Variants in PCDHGA9 observed in about 807,000 individuals in gnomAD.
The protein encoded by PCDHGA9 is protocadherin gamma-A9.
A neutral mutation model predicts 62.5 loss-of-function variants in PCDHGA9; 37 were observed. The ratio of observed to expected loss-of-function variants is 0.59; its 90% confidence interval spans 0.46 to 0.78. The LOEUF (loss-of-function observed/expected upper bound fraction) is 0.78. Among genes scored for constraint, PCDHGA9 ranks in the 30% least tolerant of loss-of-function variants. PCDHGA9 has a pLI of 0.00. For missense variants in PCDHGA9, 1,138 were observed against 1,166.2 expected (o/e 0.98, Z 0.35); for synonymous variants, 459 against 484.6 (o/e 0.95, Z 0.69).
At chr5:141,419,567 G>A in intron 1 of PCDHGA9, 1 of 1,611,758 alleles carries the variant, frequency 6.2e-7, no homozygotes, top group Non-Finnish European at 8.5e-7. Context: ...GCTGGGTCCC[G>A]ACGGCTCCGC....
In PCDHGA9 at chr5:141,512,223, C is replaced by G. The variant is rs1321595614; in HGVS notation, c.*1050C>G. 6.5e-6 allele frequency: 1 copy of G among 152,728 alleles called. No individual in the cohort carries two copies. The highest frequency in any genetic ancestry group is 1.5e-5 in the Non-Finnish European group (1 of 68,110). 9.5% of individuals were successfully genotyped at this position (152,728 alleles called of 1,614,324 possible). ...CTCGAAGCAGGTTTAGGACCAGGTC[C>G]CCTTGAGAGGTCAGAGGGGCCTCTG... On this transcript the variant is annotated 3_prime_UTR_variant, in exon 4 of 4. Transcript: ENST00000573521.
intron 1 of PCDHGA9, chr5:141,430,861 A>C: frequency 6.3e-7 from 1 of 1,592,834 alleles, no homozygotes; most frequent in Middle Eastern, 1.7e-4. Flanking sequence ...TACGCTATTC[A>C]GTTCCGGAAG....
Position 141,491,676 on chromosome 5 carries a change from T to C in PCDHGA9, c.2425-3131T>C. On this transcript the variant is annotated intron_variant, in intron 1 of 3. Coordinates refer to ENST00000573521, the MANE Select transcript of PCDHGA9 (RefSeq NM_018921.3). The surrounding 1 kb of genome is among the most constrained non-coding windows in gnomAD (Gnocchi z 6.9). ...AGCCTGACGCCATCCGGTCCCGCTC[T>C]AATACGCTGCGGGAGCGGAGCCAGG... 3.1e-6 allele frequency: 5 copies of C among 1,613,546 alleles called. No individual in the cohort carries two copies. Among genetic ancestry groups the C allele is most frequent in the Non-Finnish European group, 4.2e-6 (5 of 1,179,848 alleles).
chr5:141,470,860 T>G (rs2099242265), intron 1 of PCDHGA9, among the ~76,000 whole-genome samples: 1 of 151,788 alleles, frequency 6.6e-6, no homozygotes, highest in South Asian at 2.1e-4. Context: ...GATAAGTTTT[T>G]TGTTTGTTTG....
Position 141,423,275 on chromosome 5 carries a change from C to T in PCDHGA9, c.2424+17899C>T. 1.2e-6 allele frequency: 2 copies of T among 1,614,012 alleles called. No homozygotes were observed. The highest frequency in any genetic ancestry group is 1.7e-6 in the Non-Finnish European group (2 of 1,179,970). ...GACCTCGGCAGCCTCGAGTCTCTGGCTAACTCTGAAACCTCAGACCTCTCG... is the reference window on the plus strand; with the variant it reads ...GACCTCGGCAGCCTCGAGTCTCTGGTTAACTCTGAAACCTCAGACCTCTCG... On this transcript the variant is annotated intron_variant, in intron 1 of 3. Transcript: ENST00000573521.
rs756330109 is a variant in PCDHGA9, at chr5:141,432,621, T to A, written c.2424+27245T>A. ...GAGCCGGGACTCTTCTCGGTGGGTC[T>A]GCACACGGGCGAGGTGCGCACGGCG... On this transcript the variant is annotated intron_variant, in intron 1 of 3. Transcript: ENST00000573521. This position sits in a 1 kb window ranked among gnomAD's most constrained non-coding sequence, Gnocchi z 6.0. The A allele has an allele frequency of 3.1e-6, 5 of 1,612,942 alleles. No homozygotes were observed. Among genetic ancestry groups the A allele is most frequent in the Admixed American group, 1.7e-5 (1 of 59,962 alleles).
At chr5:141,415,871 G>T (rs2095966585) in intron 1 of PCDHGA9, 2 of 1,074,308 alleles carry the variant, frequency 1.9e-6, no homozygotes, top group South Asian at 2.3e-5. Context: ...TAGTGTTGTT[G>T]AGTACAATAT....
chr5:141,479,625 T>C (rs2099501262), intron 1 of PCDHGA9: 1 of 152,228 alleles, frequency 6.6e-6, no homozygotes, highest in Non-Finnish European at 1.5e-5. Flanking sequence ...ACCATGTCTC[T>C]TTAACAATAA....
intron 1 of PCDHGA9, chr5:141,422,628 C>A: frequency 6.2e-7 from 1 of 1,613,410 alleles, no homozygotes; most frequent in Non-Finnish European, 8.5e-7. Context: ...AAAACAACCC[C>A]AGGGGTGCCT....
chr5:141,421,888 C>T (rs1387624358), intron 1 of PCDHGA9: 5 of 1,613,746 alleles, frequency 3.1e-6, no homozygotes. Flanking sequence ...TGGAGGCGAT[C>T]CCATCCGAAA....
intron 1 of PCDHGA9, among the ~76,000 whole-genome samples, chr5:141,448,344 A>G (rs2098583423): frequency 6.6e-6 from 1 of 152,080 alleles, no homozygotes; most frequent in Admixed American, 6.6e-5. Flanking sequence ...CATGTACCTC[A>G]ATCTTAGTAG....
rs982627903 is a variant in PCDHGA9, at chr5:141,421,421, T to C, written c.2424+16045T>C. ...CCCCGGGAGCTGGCGAAGCGCGGAGTCCGCATCGTCTCCAGAGGGAAGACA... is the reference window on the plus strand; with the variant it reads ...CCCCGGGAGCTGGCGAAGCGCGGAGCCCGCATCGTCTCCAGAGGGAAGACA... On this transcript the variant is annotated intron_variant, in intron 1 of 3. Coordinates refer to ENST00000573521, the MANE Select transcript of PCDHGA9 (RefSeq NM_018921.3). The C allele has an allele frequency of 6.2e-7, 1 of 1,613,994 alleles. No individual in the cohort carries two copies. The highest frequency in any genetic ancestry group is 1.3e-5 in the African/African-American group (1 of 75,052).
chr5:141,409,286 C>T (rs1304936825), intron 1 of PCDHGA9: 1 of 1,613,826 alleles, frequency 6.2e-7, no homozygotes, highest in African/African-American at 1.3e-5. Context: ...GAATTCACCT[C>T]CAGGAATGGT....
chr5:141,408,328 C>A, intron 1 of PCDHGA9: 1 of 1,613,910 alleles, frequency 6.2e-7, no homozygotes, highest in South Asian at 1.1e-5. Flanking sequence ...AGGAGCTGGC[C>A]AAGGGCTCGG....
chr5:141,413,904 G>T (rs1230344912), intron 1 of PCDHGA9: 3 of 1,613,160 alleles, frequency 1.9e-6, no homozygotes, highest in East Asian at 2.2e-5. Context: ...ATGACAACGC[G>T]CCGGTCTTCA....
At chr5:141,409,396 C>A in intron 1 of PCDHGA9, 1 of 1,614,004 alleles carries the variant, frequency 6.2e-7, no homozygotes, top group Non-Finnish European at 8.5e-7. Flanking sequence ...ATTCTTCTTC[C>A]AATAACTACT....
Position 141,431,135 on chromosome 5 carries a change from A to G in PCDHGA9, c.2424+25759A>G, listed in dbSNP as rs140069213. The G allele has an allele frequency of 1.5e-5, 24 of 1,614,266 alleles. No homozygotes were observed. In the African/African-American group the frequency reaches 3.1e-4, roughly 21 times the overall value. Reference sequence around the variant, plus strand: ...TGGAGTAGAAGTAGAAGTAAGGGACATTAACGACAATGCGCCTTACTTTCG... The same window carrying G: ...TGGAGTAGAAGTAGAAGTAAGGGACGTTAACGACAATGCGCCTTACTTTCG... On this transcript the variant is annotated intron_variant, in intron 1 of 3. Transcript: ENST00000573521. This position sits in a 1 kb window ranked among gnomAD's most constrained non-coding sequence, Gnocchi z 4.8.
At chr5:141,458,201 TAGTTTAAAATA>T (rs1175017515) in intron 1 of PCDHGA9, among the ~76,000 whole-genome samples, 1 of 152,168 alleles carries the variant, frequency 6.6e-6, no homozygotes, top group Non-Finnish European at 1.5e-5. Context: ...AGGCCATAAA[TAGTTTAAAATA>T]AGTTTCCTTT....
intron 1 of PCDHGA9, chr5:141,409,921 G>C (rs767370997): frequency 2.7e-5 from 44 of 1,613,404 alleles, no homozygotes; most frequent in Non-Finnish European, 3.7e-5. Context: ...ACGGCTCCGC[G>C]TTCTTCGATA....
Sources: gnomAD v4.1 joint callset for allele counts (sites outside exome capture counted in the v4.1 genomes callset) on GRCh38, gnomAD v4.1.1 for gene constraint, Gnocchi (gnomAD v3.1) non-coding constraint, MANE v1.5 for transcripts, NCBI Gene and HGNC (gene_info 2026-07-23, HGNC 2026-07-21) for gene names.